The following SRGAP2C variants were observed in gnomAD, a reference collection of about 807,000 sequenced individuals.
SRGAP2C encodes SLIT-ROBO Rho GTPase activating protein 2C.
SRGAP2C carries 15 observed loss-of-function variants against 25.1 expected under a neutral mutation model. The observed-to-expected ratio is 0.60, with a 90% confidence interval of 0.40 to 0.92. The LOEUF is 0.92. Ranked by LOEUF, SRGAP2C falls within the 40% of genes least tolerant of loss-of-function variation. The pLI is 0.00. For synonymous variants in SRGAP2C, 44 were observed against 96.6 expected (o/e 0.46, Z 3.19); for missense variants, 144 against 264.4 (o/e 0.54, Z 3.16).
chr1:121,331,179 C>T lies in SRGAP2C; in HGVS notation c.423+6539C>T, dbSNP rs1315200110. On this transcript the variant is annotated intron_variant, in intron 4 of 9. Transcript: ENST00000367123. ...AAAAAAAAAAAAAAAAAAAAGAGGT[C>T]CATATTCTAACCTTTGGAACCTGTG... is the stretch of plus-strand genomic sequence containing the variant. Among the ~76,000 whole-genome samples, 7 of 37,268 alleles carry T rather than the reference C, an allele frequency of 1.9e-4. 1 individual carries two copies. Among genetic ancestry groups the T allele is most frequent in the Non-Finnish European group, 5.4e-5 (1 of 18,668 alleles). 24.4% of individuals were successfully genotyped at this position (37,268 alleles called of 152,430 possible).
intron 2 of SRGAP2C, among the ~76,000 whole-genome samples, chr1:121,235,980 G>A (rs1271754825): frequency 6.3e-5 from 8 of 126,126 alleles, no homozygotes; most frequent in Non-Finnish European, 1.1e-4. Flanking sequence ...TGCTCATATT[G>A]TCTCAGGTTA....
At chr1:121,354,956 G>C (rs1429775070) in intron 4 of SRGAP2C, among the ~76,000 whole-genome samples, 1 of 46,924 alleles carries the variant, frequency 2.1e-5, no homozygotes, top group African/African-American at 7.1e-5. Context: ...GGAATCACTT[G>C]AACCCAGGAG....
intron 3 of SRGAP2C, among the ~76,000 whole-genome samples, chr1:121,295,758 G>A (rs1657583893): frequency 6.6e-6 from 1 of 152,016 alleles, no homozygotes; most frequent in Non-Finnish European, 1.5e-5. Context: ...TGTTGTTGTT[G>A]TTGTTGTTTG....
chr1:121,331,890 A>G (rs1349018759), intron 4 of SRGAP2C, among the ~76,000 whole-genome samples: 3 of 152,150 alleles, frequency 2.0e-5, no homozygotes, highest in East Asian at 1.9e-4. Flanking sequence ...GTGATAGAGA[A>G]TAGATATTGA....
intron 4 of SRGAP2C, among the ~76,000 whole-genome samples, chr1:121,357,803 CAAGT>C (rs1659098424): frequency 2.3e-5 from 2 of 86,684 alleles, no homozygotes; most frequent in South Asian, 9.7e-4. Flanking sequence ...AAAGAACACT[CAAGT>C]GAGTGTTGAG....
rs1657325071 is a variant in SRGAP2C at position 121,284,923 on chromosome 1, A to T, written c.188A>T (p.Tyr63Phe). The change falls in exon 3 of 10, where the codon TAC becomes TTC. Residue 63 changes from tyrosine (Y) to phenylalanine (F), a missense_variant. By Grantham distance (22) the Tyr-to-Phe change is conservative (BLOSUM62 3). Coordinates refer to ENST00000367123, the MANE Select transcript of SRGAP2C (RefSeq NM_001329984.2). ...AAGAAGGCAGAGATTGAGATGGACT[A>T]CTCCCGCAACCTGGAGAAGCTGGCA... ...FRKKAEIEMD[Y>F]SRNLEKLAEH... The T allele has an allele frequency of 5.2e-6, 8 of 1,545,272 alleles. 1 individual carries two copies. The highest frequency in any genetic ancestry group is 2.0e-5 in the Admixed American group (1 of 50,274).
chr1:121,282,747 A>G (rs1657277545), intron 2 of SRGAP2C, among the ~76,000 whole-genome samples: 2 of 143,650 alleles, frequency 1.4e-5, no homozygotes, highest in Non-Finnish European at 3.1e-5. Context: ...TTTAGTAGAG[A>G]CAGGGTTTCA....
intron 2 of SRGAP2C, among the ~76,000 whole-genome samples, chr1:121,261,058 A>T: frequency 1.0e-5 from 1 of 97,742 alleles, no homozygotes; most frequent in African/African-American, 3.6e-5. Context: ...CCTCCCAAGT[A>T]GCTGGGACCA....
intron 3 of SRGAP2C, among the ~76,000 whole-genome samples, chr1:121,312,528 T>A (rs1368601137): frequency 6.4e-5 from 6 of 94,348 alleles, no homozygotes; most frequent in African/African-American, 2.5e-4. Context: ...GGGTGTCAAT[T>A]TTGGATCTTT....
intron 3 of SRGAP2C, among the ~76,000 whole-genome samples, chr1:121,296,335 A>G (rs1657598973): frequency 6.7e-6 from 1 of 148,458 alleles, no homozygotes; most frequent in African/African-American, 2.5e-5. Flanking sequence ...ACAAAGGGGA[A>G]ACTTCCTTTG....
chr1:121,341,311 C>T (rs1189983053), intron 4 of SRGAP2C, among the ~76,000 whole-genome samples: 1 of 84,992 alleles, frequency 1.2e-5, no homozygotes, highest in African/African-American at 4.6e-5. Flanking sequence ...CTGTGCTGGG[C>T]ACTGGAATAT....
At position 121,228,129 on chromosome 1, in the gene SRGAP2C, C is replaced by T. The variant is rs1444109010; in HGVS notation, c.67+40616C>T. Among the ~76,000 whole-genome samples, 5 of 76,960 alleles carry T rather than the reference C, an allele frequency of 6.5e-5. 2 individuals are homozygous for T. In the East Asian group the frequency reaches 1.7e-3, roughly 26 times the overall value. The allele number at this position is 76,960 out of a possible 152,430, so 50.5% of individuals were successfully genotyped here. On this transcript the variant is annotated intron_variant, in intron 2 of 9. Transcript: ENST00000367123. ...CACAATCACCGGAATAGAAAGCCTC[C>T]GACCCCACATCTGAACTGAAGCCAT...
chr1:121,228,968 C>G (rs1359310435), intron 2 of SRGAP2C, among the ~76,000 whole-genome samples: 1 of 151,888 alleles, frequency 6.6e-6, no homozygotes, highest in Non-Finnish European at 1.5e-5. Flanking sequence ...AAGACAGTGT[C>G]CTCTGTGATC....
chr1:121,340,333 A>G (rs1404665775), intron 4 of SRGAP2C, among the ~76,000 whole-genome samples: 1 of 152,142 alleles, frequency 6.6e-6, no homozygotes, highest in Non-Finnish European at 1.5e-5. Flanking sequence ...GTTCTCAGGA[A>G]AGGAAAACCA....
chr1:121,322,179 A>G (rs1425541330), intron 3 of SRGAP2C, among the ~76,000 whole-genome samples: 1 of 149,448 alleles, frequency 6.7e-6, no homozygotes, highest in Non-Finnish European at 1.5e-5. Context: ...GATTGAAACC[A>G]ATTGTCAATG....
At position 121,327,565 on chromosome 1, in the gene SRGAP2C, T is replaced by TAAA. The variant is rs1397203649; in HGVS notation, c.423+2935_423+2937dup. ...GGCAACAGAGAGAGACCCTGACTCC[T>TAAA]AAAAAAAAAAAATTGATTCATTCTC... On this transcript the variant is annotated intron_variant, in intron 4 of 9. Transcript: ENST00000367123. 3.3e-3 allele frequency among the ~76,000 whole-genome samples: 265 copies of TAAA among 79,282 alleles called. 19 individuals carry two copies. Among genetic ancestry groups the TAAA allele is most frequent in the African/African-American group, 9.6e-3 (197 of 20,626 alleles). 52.0% of individuals were successfully genotyped at this position (79,282 alleles called of 152,430 possible).
At chr1:121,370,405 A>AGGGGATCT (rs1423614209) in intron 5 of SRGAP2C, among the ~76,000 whole-genome samples, 1 of 139,488 alleles carries the variant, frequency 7.2e-6, no homozygotes, top group African/African-American at 2.7e-5. Flanking sequence ...ACAATGGGAG[A>AGGGGATCT]GGGGATCTTG....
At chr1:121,307,975 A>G (rs1184433127) in intron 3 of SRGAP2C, among the ~76,000 whole-genome samples, 1 of 151,686 alleles carries the variant, frequency 6.6e-6, no homozygotes, top group Admixed American at 6.6e-5. Flanking sequence ...GTGTAACCAC[A>G]TGCAGTGTGT....
chr1:121,273,845 G>A (rs1191538663), intron 2 of SRGAP2C, among the ~76,000 whole-genome samples: 2 of 151,828 alleles, frequency 1.3e-5, no homozygotes, highest in Non-Finnish European at 2.9e-5. Context: ...TGCTTCAGTA[G>A]CAGGAGAGAA....
Sources: allele counts gnomAD v4.1 joint callset (sites outside exome capture counted in the v4.1 genomes callset), GRCh38; gene constraint gnomAD v4.1.1; transcripts MANE v1.5; gene names NCBI Gene and HGNC (gene_info 2026-07-23, HGNC 2026-07-21).